Variants in FBXW10B observed in about 807,000 individuals in gnomAD.
The protein encoded by FBXW10B is F-box and WD repeat domain containing protein 10B.
At chr17:15,566,860 G>A in the FBXW10B span, among the ~76,000 whole-genome samples, 823 of 151,154 alleles carry the variant, frequency 5.4e-3, 6 homozygotes, top group Non-Finnish European at 7.4e-3. Flanking sequence ...CACCACAGCC[G>A]GCCAATAAAA....
the FBXW10B span, among the ~76,000 whole-genome samples, chr17:15,588,227 G>T: frequency 6.6e-6 from 1 of 152,216 alleles, no homozygotes; most frequent in African/African-American, 2.4e-5. Flanking sequence ...CGGCCACCTG[G>T]TGTTTACTGT....
the FBXW10B span, among the ~76,000 whole-genome samples, chr17:15,566,918 C>A: frequency 6.6e-6 from 1 of 151,838 alleles, no homozygotes; most frequent in South Asian, 2.1e-4. Flanking sequence ...ATATTAGCCT[C>A]TAAGTGTGCA....
chr17:15,568,060 T>C, the FBXW10B span, among the ~76,000 whole-genome samples: 1 of 152,168 alleles, frequency 6.6e-6, no homozygotes, highest in African/African-American at 2.4e-5. Flanking sequence ...CCTCATACTA[T>C]CATCATCGGA....
At chr17:15,601,395 C>A in the FBXW10B span, among the ~76,000 whole-genome samples, 2 of 111,672 alleles carry the variant, frequency 1.8e-5, no homozygotes, top group Non-Finnish European at 1.6e-5. Context: ...GGCGACAGAG[C>A]AAGACTCCGT....
chr17:15,616,256 C>A, the FBXW10B span, among the ~76,000 whole-genome samples: 2 of 151,958 alleles, frequency 1.3e-5, no homozygotes, highest in Non-Finnish European at 2.9e-5. Context: ...CTCACTGCAA[C>A]CTCCGTCTCC....
chr17:15,586,912 A>G, the FBXW10B span, among the ~76,000 whole-genome samples: 5 of 151,606 alleles, frequency 3.3e-5, 1 homozygote, highest in Non-Finnish European at 5.9e-5. Context: ...CTCTTCTGAA[A>G]TGGGAGGAAG....
the FBXW10B span, chr17:15,574,080 G>A: frequency 8.5e-6 from 6 of 708,618 alleles, no homozygotes; most frequent in Middle Eastern, 2.3e-4. Flanking sequence ...TTCTTCATCT[G>A]GTTGCCTCCG....
At chr17:15,572,208 G>T in the FBXW10B span, 1 of 151,852 alleles carries the variant, frequency 6.6e-6, no homozygotes, top group African/African-American at 2.4e-5. Context: ...TTGGGGAATA[G>T]AATGTTGTAG....
chr17:15,605,065 T>C, the FBXW10B span: 1 of 982,866 alleles, frequency 1.0e-6, no homozygotes, highest in Non-Finnish European at 1.2e-6. Context: ...TTCCTGACTT[T>C]TTCCTTGCCA....
chr17:15,596,629 G>A, the FBXW10B span: 22 of 1,613,376 alleles, frequency 1.4e-5, no homozygotes, highest in African/African-American at 6.7e-5. Flanking sequence ...GTGTCTAAAC[G>A]TCTTCAGGCA....
the FBXW10B span, among the ~76,000 whole-genome samples, chr17:15,604,559 G>T: frequency 5.3e-5 from 8 of 152,084 alleles, no homozygotes; most frequent in Non-Finnish European, 1.0e-4. Context: ...TTTTGAGATG[G>T]AGTCTTGCTG....
chr17:15,600,330 T>G, the FBXW10B span, among the ~76,000 whole-genome samples: 1 of 148,700 alleles, frequency 6.7e-6, no homozygotes, highest in African/African-American at 2.5e-5. Flanking sequence ...TCTTCTAATA[T>G]TCCCAAGGGT....
the FBXW10B span, chr17:15,573,285 C>T: frequency 6.6e-6 from 1 of 152,188 alleles, no homozygotes. Context: ...TTTAGCCAGG[C>T]TGCCGATGCT....
chr17:15,582,104 G>A, the FBXW10B span, among the ~76,000 whole-genome samples: 7 of 150,904 alleles, frequency 4.6e-5, no homozygotes, highest in Admixed American at 1.3e-4. Context: ...GCCTGTGTGC[G>A]TCTCCAGGCT....
the FBXW10B span, among the ~76,000 whole-genome samples, chr17:15,591,003 A>C: frequency 6.6e-6 from 1 of 152,096 alleles, no homozygotes; most frequent in Non-Finnish European, 1.5e-5. Context: ...AGTACAGGAG[A>C]CTGGTATGGG....
the FBXW10B span, among the ~76,000 whole-genome samples, chr17:15,596,158 T>A: frequency 6.6e-6 from 1 of 152,080 alleles, no homozygotes; most frequent in African/African-American, 2.4e-5. Flanking sequence ...AGTGCTGGGA[T>A]TACAGGTGTG....
the FBXW10B span, among the ~76,000 whole-genome samples, chr17:15,593,725 C>T: frequency 2.6e-5 from 4 of 151,336 alleles, no homozygotes; most frequent in East Asian, 5.8e-4. Flanking sequence ...ACCTACCAGA[C>T]ACAAGTGATT....
the FBXW10B span, among the ~76,000 whole-genome samples, chr17:15,618,056 G>T: frequency 6.6e-6 from 1 of 152,184 alleles, no homozygotes; most frequent in Non-Finnish European, 1.5e-5. Context: ...CTGGTTGAGT[G>T]CAGTGGCTCA....
chr17:15,607,628 A>C, the FBXW10B span: 1 of 1,613,844 alleles, frequency 6.2e-7, no homozygotes, highest in Non-Finnish European at 8.5e-7. Flanking sequence ...TCTCTCCTCC[A>C]TCAGGACCTG....
Sources: allele counts gnomAD v4.1 joint callset (sites outside exome capture counted in the v4.1 genomes callset), GRCh38; gene constraint gnomAD v4.1.1; transcripts MANE v1.5; gene names NCBI Gene and HGNC (gene_info 2026-07-23, HGNC 2026-07-21).